USP54: variants seen among roughly 807,000 people sequenced by gnomAD.
USP54 encodes the protein ubiquitin carboxyl-terminal hydrolase 54.
Under a neutral mutation model 170.5 loss-of-function variants are expected in USP54, and 87 were observed. That is an observed-to-expected ratio of 0.51 (90% CI 0.43 to 0.61). USP54 has a LOEUF of 0.61. Ranked by LOEUF, USP54 falls within the 20% of genes least tolerant of loss-of-function variation. USP54 has a pLI of 0.00. For synonymous variants in USP54, 655 were observed against 742.8 expected, an observed-to-expected ratio of 0.88 and a Z score of 1.92; for missense variants, 1,786 against 2,047.8, an observed-to-expected ratio of 0.87 and a Z score of 2.47.
chr10:73,576,485 T>A (rs1589252122), intron 1 of USP54, 124 bp from the exon 2 acceptor site: 3 of 87,640 alleles, frequency 3.4e-5, no homozygotes, highest in Admixed American at 1.3e-4. Context: ...TGGCAAACAA[T>A]GCCAAAAAAA....
chr10:73,529,844 G>A lies in USP54; in HGVS notation c.1896C>T (p.Ser632=). The change falls in exon 15 of 24, where the codon AGC becomes AGT. Residue 632 remains serine, a synonymous_variant. Coordinates refer to ENST00000687698, the MANE Select transcript of USP54 (RefSeq NM_001391956.1). ...PSYDIKFGGP[S]PQYKRWGPAR... is the part of the protein sequence containing the mutation. Reference sequence around the variant, plus strand: ...CTGGGCCCCAGCGCTTGTACTGGGGGCTTGGTCCACCAAATTTAATGTCGT... The same window carrying A: ...CTGGGCCCCAGCGCTTGTACTGGGGACTTGGTCCACCAAATTTAATGTCGT... 3 of 1,582,214 alleles carry A rather than the reference G, an allele frequency of 1.9e-6. No individual in the cohort carries two copies. In the Admixed American group the frequency reaches 5.6e-5, roughly 30 times the overall value.
Position 73,534,597 on chromosome 10 carries a change from T to C in USP54, c.1315+3A>G. 6.2e-7 allele frequency: 1 copy of C among 1,613,634 alleles called. No homozygotes were observed. Among genetic ancestry groups the C allele is most frequent in the Non-Finnish European group, 8.5e-7 (1 of 1,179,666 alleles). On this transcript the variant is annotated splice_donor_region_variant and intron_variant, in intron 12 of 23. Transcript: ENST00000687698. Reference sequence around the variant, plus strand: ...AAGCAGGACCCTCTGTATAAGTCCCTACCTGTGTCCCGACTGCTCTGAGAC... The same window carrying C: ...AAGCAGGACCCTCTGTATAAGTCCCCACCTGTGTCCCGACTGCTCTGAGAC...
chr10:73,580,875 G>T (rs777725006), intron 1 of USP54, among the ~76,000 whole-genome samples: 6 of 152,132 alleles, frequency 3.9e-5, no homozygotes, highest in Admixed American at 6.6e-5. Flanking sequence ...CACCGTGCCT[G>T]GCATCTATTA....
chr10:73,511,653 C>CT lies in USP54; in HGVS notation c.4051+4721dup, dbSNP rs551409101. Among the ~76,000 whole-genome samples the CT allele has an allele frequency of 1.8e-3, 275 of 151,810 alleles. 1 individual carries two copies. Among genetic ancestry groups the CT allele is most frequent in the African/African-American group, 5.8e-3 (241 of 41,436 alleles). ...CCAGCCTGGGCAACAGAGCGAGACT[C>CT]TGTCTCAAAAAATAAATAAATTTTA... On this transcript the variant is annotated intron_variant, in intron 20 of 23. Transcript: ENST00000687698.
intron 20 of USP54, among the ~76,000 whole-genome samples, chr10:73,514,384 G>A (rs2060716175): frequency 6.6e-6 from 1 of 151,698 alleles, no homozygotes. Flanking sequence ...CCAACATGGT[G>A]AACCCCATCT....
At chr10:73,504,413 TTGCTGATACACA>T (rs2058719585) in intron 22 of USP54, 1 of 172,212 alleles carries the variant, frequency 5.8e-6, no homozygotes, top group African/African-American at 2.4e-5. Context: ...TTTCCTCTTC[TTGCTGATACACA>T]TGCATCACTT....
intron 3 of USP54, among the ~76,000 whole-genome samples, chr10:73,572,603 T>A (rs977230757): frequency 2.0e-5 from 3 of 152,206 alleles, no homozygotes; most frequent in Non-Finnish European, 4.4e-5. Flanking sequence ...CACCTTTTTA[T>A]AACAAATGTA....
Position 73,517,491 on chromosome 10 carries a change from C to A in USP54, c.2935G>T (p.Gly979Trp), listed in dbSNP as rs2061244455. 2 of 1,614,242 alleles carry A rather than the reference C, an allele frequency of 1.2e-6. No individual in the cohort carries two copies. Among genetic ancestry groups the A allele is most frequent in the Non-Finnish European group, 1.7e-6 (2 of 1,180,050 alleles). ...FHRQGLPKAP[G>W]WTEKNSHHSW... ...TGATGAGAATTCTTCTCAGTCCACC[C>A]TGGTGCTTTAGGTAAACCTTGCCTG... The change falls in exon 20 of 24, where the codon GGG (glycine) becomes TGG (tryptophan). Residue 979 changes from glycine (G) to tryptophan (W), a missense_variant. Gly to Trp is a radical substitution (Grantham distance 184). This residue lies in a region of USP54 where 1,418 missense variants were observed against 1,569.0 expected (regional missense o/e 0.90). Transcript: ENST00000687698.
chr10:73,542,204 T>G (rs1228844877), intron 7 of USP54, among the ~76,000 whole-genome samples: 3 of 152,112 alleles, frequency 2.0e-5, no homozygotes, highest in Non-Finnish European at 2.9e-5. Context: ...GTTCAAGCAA[T>G]TCTCATGCCT....
chr10:73,514,992 A>G (rs1391133999), intron 20 of USP54, among the ~76,000 whole-genome samples: 4 of 151,936 alleles, frequency 2.6e-5, no homozygotes, highest in Admixed American at 6.6e-5. Context: ...GTGAGCTGAG[A>G]TCACGCCATT....
At chr10:73,602,219 T>C (rs1030640522) in intron 1 of USP54, among the ~76,000 whole-genome samples, 2 of 152,190 alleles carry the variant, frequency 1.3e-5, no homozygotes, top group Non-Finnish European at 2.9e-5. Context: ...AAGTATACAG[T>C]AATCCTAATA....
chr10:73,614,035 C>T (rs1043068713), intron 1 of USP54: 3 of 151,652 alleles, frequency 2.0e-5, no homozygotes, highest in Admixed American at 2.0e-4. Context: ...AACCTCATCT[C>T]TACTAAAAAT....
Position 73,516,965 on chromosome 10 carries a change from C to T in USP54, c.3461G>A (p.Ser1154Asn), listed in dbSNP as rs2061174341. 6.2e-7 allele frequency: 1 copy of T among 1,614,224 alleles called. No homozygotes were observed. The highest frequency in any genetic ancestry group is 1.3e-5 in the African/African-American group (1 of 75,046). Residue 1154 changes from serine (S) to asparagine (N), a missense_variant, in exon 20 of 24, where the codon AGT (serine) becomes AAT (asparagine). Transcript: ENST00000687698. ...MRDSTGFKDR[S>N]LSGSLRKNSS... ...GTTCTTCCTTAGACTACCTGACAAA[C>T]TTCTATCCTTGAAACCTGTACTATC...
At chr10:73,610,361 A>C in intron 1 of USP54, among the ~76,000 whole-genome samples, 1 of 152,052 alleles carries the variant, frequency 6.6e-6, no homozygotes, top group East Asian at 1.9e-4. Context: ...TCACACCTGT[A>C]CTGTAATCCC....
chr10:73,520,351 C>T (rs941023073), intron 18 of USP54, among the ~76,000 whole-genome samples: 26 of 152,172 alleles, frequency 1.7e-4, no homozygotes, highest in Admixed American at 2.6e-4. Flanking sequence ...TCCCAATGGC[C>T]AACAGCAGAA....
intron 15 of USP54, among the ~76,000 whole-genome samples, chr10:73,527,573 T>G (rs2063147462): frequency 6.6e-6 from 1 of 151,302 alleles, no homozygotes; most frequent in Non-Finnish European, 1.5e-5. Context: ...TATGGAGATT[T>G]GAAAGTTATA....
intron 10 of USP54, among the ~76,000 whole-genome samples, chr10:73,536,881 G>A (rs539866888): frequency 6.6e-6 from 1 of 152,326 alleles, no homozygotes; most frequent in South Asian, 2.1e-4. Flanking sequence ...AGAGCAGACA[G>A]AAACTCTTTC....
intron 10 of USP54, 22 bp from the exon 11 acceptor site, chr10:73,536,459 G>A (rs1480029523): frequency 6.6e-7 from 1 of 1,514,570 alleles, no homozygotes; most frequent in Non-Finnish European, 8.8e-7. Context: ...ACAACCAGAA[G>A]AACATGACAA....
intron 1 of USP54, among the ~76,000 whole-genome samples, chr10:73,625,263 C>T (rs2081434077): frequency 7.1e-6 from 1 of 140,284 alleles, no homozygotes; most frequent in Non-Finnish European, 1.5e-5. Context: ...CATTCATTAT[C>T]CTACTCGTAG....
Sources: gnomAD v4.1 joint callset for allele counts (sites outside exome capture counted in the v4.1 genomes callset) on GRCh38, gnomAD v4.1.1 for gene constraint, gnomAD v4.1.1 regional missense constraint, MANE v1.5 for transcripts, NCBI Gene and HGNC (gene_info 2026-07-23, HGNC 2026-07-21) for gene names.